Variants in MALRD1 observed in about 807,000 individuals in gnomAD.
MALRD1 encodes the protein MAM and LDL-receptor class A domain-containing protein 1.
A neutral mutation model predicts 242.1 loss-of-function variants in MALRD1; 247 were observed. The ratio of observed to expected loss-of-function variants is 1.02; its 90% CI spans 0.92 to 1.13. MALRD1 has a LOEUF of 1.13. Ranked by LOEUF, MALRD1 falls within the 50% of genes most tolerant of loss-of-function variation. MALRD1 has a pLI of 0.00. For synonymous variants in MALRD1, 995 were observed against 866.6 expected (o/e 1.15, Z -2.60); for missense variants, 2,989 against 2,533.1 (o/e 1.18, Z -3.86).
intron 18 of MALRD1, among the ~76,000 whole-genome samples, chr10:19,216,581 A>T (rs1291948025): frequency 6.6e-6 from 1 of 152,020 alleles, no homozygotes; most frequent in Non-Finnish European, 1.5e-5. Flanking sequence ...TTTAATTTTC[A>T]CATAACAATA....
intron 34 of MALRD1, among the ~76,000 whole-genome samples, chr10:19,607,253 C>G (rs1003894530): frequency 2.0e-5 from 3 of 152,170 alleles, no homozygotes; most frequent in East Asian, 1.9e-4. Flanking sequence ...ATAACACCCA[C>G]TGGATAGCTA....
intron 31 of MALRD1, among the ~76,000 whole-genome samples, chr10:19,516,610 T>C (rs777041319): frequency 6.6e-6 from 1 of 151,982 alleles, no homozygotes; most frequent in Non-Finnish European, 1.5e-5. Context: ...TTTTCAAATA[T>C]CTTCTCCTCC....
At chr10:19,665,911 G>A (rs559836657) in intron 36 of MALRD1, among the ~76,000 whole-genome samples, 7 of 147,062 alleles carry the variant, frequency 4.8e-5, no homozygotes, top group African/African-American at 1.0e-4. Flanking sequence ...ATTCCTTGCC[G>A]TAACAGAAAA....
At chr10:19,321,135 T>C (rs1377578831) in intron 21 of MALRD1, among the ~76,000 whole-genome samples, 1 of 152,134 alleles carries the variant, frequency 6.6e-6, no homozygotes, top group Non-Finnish European at 1.5e-5. Flanking sequence ...TGTCATGAAG[T>C]CTTTGCCCAT....
chr10:19,337,746 G>A (rs1392912634), intron 24 of MALRD1, among the ~76,000 whole-genome samples: 2 of 151,620 alleles, frequency 1.3e-5, no homozygotes, highest in Non-Finnish European at 2.9e-5. Context: ...AGCAATTTTA[G>A]GTTTACAACA....
intron 10 of MALRD1, among the ~76,000 whole-genome samples, chr10:19,137,450 C>CA (rs1226437075): frequency 6.6e-6 from 1 of 151,540 alleles, no homozygotes; most frequent in Non-Finnish European, 1.5e-5. Context: ...ACTAAAAATA[C>CA]AAAAAATTAG....
Position 19,211,497 on chromosome 10 carries a change from A to G in MALRD1, c.2991+1817A>G, listed in dbSNP as rs577678157. 5.3e-5 allele frequency among the ~76,000 whole-genome samples: 8 copies of G among 151,928 alleles called. No individual in the cohort carries two copies. The South Asian group carries it at 8.3e-4, about 16-fold the overall frequency. On this transcript the variant is annotated intron_variant, in intron 18 of 39. Coordinates refer to ENST00000454679, the MANE Select transcript of MALRD1 (RefSeq NM_001142308.3). Reference sequence around the variant, plus strand: ...TACTTGAGGTCAGGAGATCAAGACCAGCCTGGGCAACAAGGCAAAACCTCA... The same window carrying G: ...TACTTGAGGTCAGGAGATCAAGACCGGCCTGGGCAACAAGGCAAAACCTCA...
intron 24 of MALRD1, among the ~76,000 whole-genome samples, chr10:19,339,713 T>G: frequency 6.6e-6 from 1 of 152,206 alleles, no homozygotes; most frequent in Non-Finnish European, 1.5e-5. Flanking sequence ...ATTTTCACCC[T>G]GTATGTGATG....
intron 21 of MALRD1, among the ~76,000 whole-genome samples, chr10:19,305,180 A>T (rs573562597): frequency 6.6e-6 from 1 of 151,670 alleles, no homozygotes; most frequent in Non-Finnish European, 1.5e-5. Context: ...AATCGTATCT[A>T]TTTTAACATA....
chr10:19,054,641 G>C (rs181577631), intron 1 of MALRD1, among the ~76,000 whole-genome samples: 174 of 152,240 alleles, frequency 1.1e-3, no homozygotes, highest in Non-Finnish European at 2.0e-3. Context: ...TCCACATGTA[G>C]TGAGATTGTG....
intron 31 of MALRD1, among the ~76,000 whole-genome samples, chr10:19,529,019 A>G (rs1834219717): frequency 6.6e-6 from 1 of 152,194 alleles, no homozygotes; most frequent in Non-Finnish European, 1.5e-5. Context: ...GAGAGATAAC[A>G]GTGTCATGAG....
chr10:19,564,757 G>A (rs1836177277), intron 32 of MALRD1, among the ~76,000 whole-genome samples: 1 of 152,062 alleles, frequency 6.6e-6, no homozygotes, highest in South Asian at 2.1e-4. Context: ...AAGGAAGTTA[G>A]CCATTGTGGT....
intron 18 of MALRD1, among the ~76,000 whole-genome samples, chr10:19,233,951 T>C (rs1194618378): frequency 6.6e-6 from 1 of 152,122 alleles, no homozygotes; most frequent in Non-Finnish European, 1.5e-5. Context: ...TTGTTTTTGA[T>C]ATATACATGT....
intron 10 of MALRD1, among the ~76,000 whole-genome samples, chr10:19,138,221 C>G (rs948937717): frequency 2.6e-5 from 4 of 152,232 alleles, no homozygotes; most frequent in Admixed American, 2.0e-4. Context: ...TTGGGCTGCT[C>G]TCTTCTTTTG....
intron 25 of MALRD1, among the ~76,000 whole-genome samples, chr10:19,350,101 A>G (rs76925023): frequency 0.015 from 2,232 of 152,050 alleles, 47 homozygotes; most frequent in African/African-American, 0.043. Context: ...GGGTAAGCAG[A>G]TTGACCTCCC....
chr10:19,083,807 C>T (rs529954895), intron 2 of MALRD1, among the ~76,000 whole-genome samples: 3 of 152,026 alleles, frequency 2.0e-5, no homozygotes, highest in Non-Finnish European at 4.4e-5. Context: ...ATAAAACTCA[C>T]CATTTTTTAA....
chr10:19,641,958 ATTGTCT>A (rs1039279685), intron 36 of MALRD1, among the ~76,000 whole-genome samples: 17 of 152,086 alleles, frequency 1.1e-4, no homozygotes, highest in Non-Finnish European at 8.8e-5. Context: ...GAGTCAAAAG[ATTGTCT>A]TTGAGTGAAA....
At chr10:19,703,454 C>T (rs2131851915) in intron 38 of MALRD1, among the ~76,000 whole-genome samples, 1 of 152,278 alleles carries the variant, frequency 6.6e-6, no homozygotes, top group African/African-American at 2.4e-5. Flanking sequence ...TGAAAGCTGT[C>T]TTCTACATCT....
chr10:19,123,437 G>C, intron 5 of MALRD1, 55 bp from the exon 6 acceptor site: 1 of 1,020,764 alleles, frequency 9.8e-7, no homozygotes, highest in Non-Finnish European at 1.3e-6. Flanking sequence ...CAAAATACTT[G>C]AGTCTTTCCA....
Sources: gnomAD v4.1 joint callset for allele counts (sites outside exome capture counted in the v4.1 genomes callset) on GRCh38, gnomAD v4.1.1 for gene constraint, MANE v1.5 for transcripts, NCBI Gene and HGNC (gene_info 2026-07-23, HGNC 2026-07-21) for gene names.